The following CDH13 variants were observed in gnomAD, a reference collection of about 807,000 sequenced individuals.
CDH13 encodes cadherin-13.
A neutral mutation model predicts 63.8 loss-of-function variants in CDH13; 24 were observed. The ratio of observed to expected loss-of-function variants is 0.38; its 90% CI spans 0.27 to 0.53. The LOEUF (loss-of-function observed/expected upper bound fraction) is 0.53, where lower values mean the gene tolerates loss of function less well. Among genes scored for constraint, CDH13 ranks in the 20% least tolerant of loss-of-function variants. CDH13 has a pLI of 0.85. For missense variants in CDH13, 1,049 were observed against 903.1 expected (o/e 1.16, Z -2.07); for synonymous variants, 503 against 355.3 (o/e 1.42, Z -4.67).
At chr16:83,480,271 A>G (rs2073727580) in intron 6 of CDH13, among the ~76,000 whole-genome samples, 1 of 152,216 alleles carries the variant, frequency 6.6e-6, no homozygotes, top group Admixed American at 6.5e-5. Flanking sequence ...AGCTGTGATC[A>G]TACCACTGCG....
At chr16:83,350,643 C>G (rs760734981) in intron 6 of CDH13, among the ~76,000 whole-genome samples, 4 of 152,136 alleles carry the variant, frequency 2.6e-5, no homozygotes, top group Non-Finnish European at 5.9e-5. Context: ...CTGGACCTGG[C>G]AGGTGCTGCT....
intron 6 of CDH13, among the ~76,000 whole-genome samples, chr16:83,413,655 C>T (rs917480207): frequency 6.6e-6 from 1 of 152,130 alleles, no homozygotes. Flanking sequence ...CCCCACTTAT[C>T]CTCAAAACAG....
rs538286445 is a variant in CDH13 at position 83,087,665 on chromosome 16, C to G, written c.367-37720C>G. On this transcript the variant is annotated intron_variant, in intron 3 of 13. Coordinates refer to ENST00000567109, the MANE Select transcript of CDH13 (RefSeq NM_001257.5). ...CCCGGGCGACGAAGCAAGACTCCCT[C>G]CGTCTCAAAAAAAAAAAAAAAAAAA... Among the ~76,000 whole-genome samples, 662 of 110,384 alleles carry G rather than the reference C, an allele frequency of 6.0e-3. 4 individuals carry two copies. The highest frequency in any genetic ancestry group is 9.7e-3 in the Non-Finnish European group (554 of 57,286). 72.4% of individuals were successfully genotyped at this position (110,384 alleles called of 152,430 possible).
At chr16:83,334,465 G>A (rs946173839) in intron 5 of CDH13, among the ~76,000 whole-genome samples, 4 of 151,290 alleles carry the variant, frequency 2.6e-5, no homozygotes, top group Admixed American at 2.0e-4. Context: ...TCAACCTTCC[G>A]GGCTCAAGTG....
At chr16:83,205,178 A>G (rs546663705) in intron 4 of CDH13, among the ~76,000 whole-genome samples, 1 of 152,354 alleles carries the variant, frequency 6.6e-6, no homozygotes, top group African/African-American at 2.4e-5. Flanking sequence ...AAAGCAGAAC[A>G]ACCAAAGGCA....
At chr16:83,590,012 G>A (rs1343234669) in intron 7 of CDH13, among the ~76,000 whole-genome samples, 1 of 152,084 alleles carries the variant, frequency 6.6e-6, no homozygotes, top group Non-Finnish European at 1.5e-5. Flanking sequence ...GCGGAGGAGT[G>A]AAAAAGCCTA....
intron 6 of CDH13, among the ~76,000 whole-genome samples, chr16:83,447,858 C>G (rs550477534): frequency 6.6e-6 from 1 of 151,882 alleles, no homozygotes; most frequent in Non-Finnish European, 1.5e-5. Context: ...CCAGTTCTCT[C>G]TCTCAAGAAG....
chr16:83,138,264 A>G (rs1262697143), intron 4 of CDH13, among the ~76,000 whole-genome samples: 4 of 152,132 alleles, frequency 2.6e-5, no homozygotes, highest in Non-Finnish European at 5.9e-5. Flanking sequence ...ACTATGTGTC[A>G]AGCACTGCAC....
intron 7 of CDH13, among the ~76,000 whole-genome samples, chr16:83,509,046 C>G (rs2074493552): frequency 6.6e-6 from 1 of 152,220 alleles, no homozygotes; most frequent in African/African-American, 2.4e-5. Flanking sequence ...ACCCTCTGCC[C>G]TCCCTTCTCA....
chr16:82,754,777 C>T (rs1180756838), intron 1 of CDH13, among the ~76,000 whole-genome samples: 1 of 152,166 alleles, frequency 6.6e-6, no homozygotes, highest in Non-Finnish European at 1.5e-5. Flanking sequence ...TCTCTAAAAG[C>T]CAACTCATTT....
intron 10 of CDH13, among the ~76,000 whole-genome samples, chr16:83,724,910 C>G (rs911754677): frequency 6.6e-6 from 1 of 152,184 alleles, no homozygotes; most frequent in Non-Finnish European, 1.5e-5. Context: ...CAGGATCATC[C>G]TACCCCTGGG....
chr16:82,691,314 G>A (rs1398382083), intron 1 of CDH13, among the ~76,000 whole-genome samples: 1 of 152,168 alleles, frequency 6.6e-6, no homozygotes, highest in African/African-American at 2.4e-5. Flanking sequence ...TCCTGCTTTG[G>A]GGAATTCTCA....
At chr16:83,620,945 C>CT (rs1220486590) in intron 8 of CDH13, among the ~76,000 whole-genome samples, 1 of 152,166 alleles carries the variant, frequency 6.6e-6, no homozygotes, top group Non-Finnish European at 1.5e-5. Context: ...GGGCCCCATG[C>CT]TGTTAAGTAA....
intron 11 of CDH13, 122 bp downstream of exon 11, chr16:83,748,372 A>T (rs1050378902): frequency 3.6e-6 from 3 of 835,658 alleles, no homozygotes; most frequent in Non-Finnish European, 5.6e-6. Flanking sequence ...GTGTGGGAAC[A>T]GCAAAGTAAA....
At chr16:82,860,703 G>A (rs1185434432) in intron 2 of CDH13, among the ~76,000 whole-genome samples, 1 of 151,928 alleles carries the variant, frequency 6.6e-6, no homozygotes, top group East Asian at 1.9e-4. Context: ...TCAAAGCAAT[G>A]AACATATTAT....
At chr16:83,061,083 A>G (rs982373779) in intron 3 of CDH13, among the ~76,000 whole-genome samples, 12 of 152,180 alleles carry the variant, frequency 7.9e-5, no homozygotes, top group Non-Finnish European at 1.5e-4. Context: ...TGCGCTCTCC[A>G]TTTTACAAAG....
intron 10 of CDH13, among the ~76,000 whole-genome samples, chr16:83,727,126 G>A (rs1383283073): frequency 6.6e-6 from 1 of 151,996 alleles, no homozygotes; most frequent in East Asian, 1.9e-4. Flanking sequence ...CTCGATTTTA[G>A]AACATTTTCA....
intron 6 of CDH13, among the ~76,000 whole-genome samples, chr16:83,400,214 AC>A (rs2091947482): frequency 6.6e-6 from 1 of 152,072 alleles, no homozygotes; most frequent in African/African-American, 2.4e-5. Context: ...GAAAGGGATG[AC>A]TTTTAAAGAA....
chr16:82,836,394 C>A (rs1287360497), intron 1 of CDH13, among the ~76,000 whole-genome samples: 3 of 152,170 alleles, frequency 2.0e-5, no homozygotes, highest in African/African-American at 7.2e-5. Context: ...AGGTGATCCA[C>A]CCGCCTTGGC....
Sources: allele counts gnomAD v4.1 joint callset (sites outside exome capture counted in the v4.1 genomes callset), GRCh38; gene constraint gnomAD v4.1.1; transcripts MANE v1.5; gene names NCBI Gene and HGNC (gene_info 2026-07-23, HGNC 2026-07-21).